The following COPB2 variants were observed in gnomAD, a reference collection of about 807,000 sequenced individuals.
The protein encoded by COPB2 is coat protein complex I subunit beta 2.
A neutral mutation model predicts 120.8 loss-of-function variants in COPB2; 16 were observed. The observed-to-expected ratio is 0.13, with a 90% CI of 0.09 to 0.20. The LOEUF (loss-of-function observed/expected upper bound fraction) is 0.20. Among genes scored for constraint, COPB2 ranks in the 10% least tolerant of loss-of-function variants. COPB2 has a pLI of 1.00. For missense variants in COPB2, 794 were observed against 1,076.5 expected (o/e 0.74, Z 3.67); for synonymous variants, 332 against 366.3 (o/e 0.91, Z 1.07).
rs968856362 is a variant in COPB2, at chr3:139,357,507, T to G, written c.*356A>C. 1 of 201,312 alleles carries G rather than the reference T, an allele frequency of 5.0e-6. No individual in the cohort carries two copies. 12.5% of individuals were successfully genotyped at this position (201,312 alleles called of 1,614,324 possible). Reference sequence around the variant, plus strand: ...TACAAAGAAAAGACAGTGGGGCTGATCCCTAGGCAAGGTGTAGTTTCGGCT... The same window carrying G: ...TACAAAGAAAAGACAGTGGGGCTGAGCCCTAGGCAAGGTGTAGTTTCGGCT... On this transcript the variant is annotated 3_prime_UTR_variant, in exon 22 of 22. Transcript: ENST00000333188.
At chr3:139,374,298 C>T (rs977867211) in intron 7 of COPB2, 191 bp downstream of exon 7, 14 of 494,648 alleles carry the variant, frequency 2.8e-5, no homozygotes, top group African/African-American at 1.4e-4. Context: ...AGAATGATGA[C>T]GATGATGATG....
chr3:139,358,920 C>T, intron 19 of COPB2, 78 bp downstream of exon 19: 19 of 1,569,370 alleles, frequency 1.2e-5, no homozygotes, highest in Non-Finnish European at 1.6e-5. Flanking sequence ...AAGAAGACAG[C>T]AGTTCAAAAT....
intron 15 of COPB2, among the ~76,000 whole-genome samples, chr3:139,362,961 T>G (rs779630873): frequency 1.3e-5 from 2 of 152,204 alleles, no homozygotes; most frequent in Non-Finnish European, 2.9e-5. Flanking sequence ...GATCATCTAG[T>G]CCAACCCCTC....
At chr3:139,375,855 A>G (rs559758614) in intron 5 of COPB2, among the ~76,000 whole-genome samples, 1 of 152,202 alleles carries the variant, frequency 6.6e-6, no homozygotes, top group South Asian at 2.1e-4. Flanking sequence ...TCTAGAGATT[A>G]TAAGTCAGTC....
chr3:139,362,543 A>G lies in COPB2; in HGVS notation c.1885-26T>C, dbSNP rs182787422. 2 of 1,432,488 alleles carry G rather than the reference A, an allele frequency of 1.4e-6. 1 individual carries two copies. The highest frequency in any genetic ancestry group is 4.9e-5 in the East Asian group (2 of 40,610). 88.7% of individuals were successfully genotyped at this position (1,432,488 alleles called of 1,614,324 possible). On this transcript the variant is annotated intron_variant, in intron 15 of 21. Transcript: ENST00000333188. The stretch of plus-strand genomic sequence containing the variant: ...CTAAACAGATTTTTAAAAATTATAT[A>G]TATTTATGCATACAAAAATGTATGT...
At position 139,367,069 on chromosome 3, in the gene COPB2, T is replaced by C; in HGVS notation, c.1622A>G (p.Asn541Ser). Residue 541 changes from asparagine (N) to serine (S), a missense_variant, in exon 14 of 22, where the codon AAC becomes AGC. Asn to Ser is a conservative substitution (Grantham distance 46). This residue lies in a region of COPB2 where 610 missense variants were observed against 866.7 expected (regional missense o/e 0.70). Transcript: ENST00000333188. ...GDCFIYTSSV[N>S]RLNYYVGGEI... Reference sequence around the variant, plus strand: ...TCCTCCAACATAATAATTTAATCTGTTCACAGAACTTGTGTAAATGAAGCA... The same window carrying C: ...TCCTCCAACATAATAATTTAATCTGCTCACAGAACTTGTGTAAATGAAGCA... 1 of 1,614,002 alleles carries C rather than the reference T, an allele frequency of 6.2e-7. No homozygotes were observed. The highest frequency in any genetic ancestry group is 8.5e-7 in the Non-Finnish European group (1 of 1,179,930).
At chr3:139,381,315 C>A (rs1941807416) in intron 2 of COPB2, 1 of 152,202 alleles carries the variant, frequency 6.6e-6, no homozygotes. Flanking sequence ...TCAAGTACAT[C>A]TAAAAACCTT....
chr3:139,376,434 G>A (rs982111434), intron 5 of COPB2, among the ~76,000 whole-genome samples: 2 of 152,104 alleles, frequency 1.3e-5, no homozygotes, highest in Non-Finnish European at 2.9e-5. Flanking sequence ...GTATAAACGT[G>A]TAACAAATGT....
At chr3:139,368,637 T>C (rs1300347134) in intron 12 of COPB2, among the ~76,000 whole-genome samples, 4 of 152,180 alleles carry the variant, frequency 2.6e-5, no homozygotes, top group African/African-American at 9.7e-5. Flanking sequence ...TTTCTGGACA[T>C]TTTTCTAATC....
chr3:139,358,281 C>T lies in COPB2; in HGVS notation c.2554-10G>A, dbSNP rs1941331588. On this transcript the variant is annotated splice_polypyrimidine_tract_variant and intron_variant, in intron 20 of 21. Coordinates refer to ENST00000333188, the MANE Select transcript of COPB2 (RefSeq NM_004766.3). The stretch of plus-strand genomic sequence containing the variant: ...GTTTCCCATCAAGTTCCTGAAACCA[C>T]AAGTGAAGATATATATGAAGACAAG... The T allele has an allele frequency of 6.2e-7, 1 of 1,610,574 alleles. No homozygotes were observed. Among genetic ancestry groups the T allele is most frequent in the Non-Finnish European group, 8.5e-7 (1 of 1,177,030 alleles).
chr3:139,371,593 T>G lies in COPB2; in HGVS notation c.1205+130A>C, dbSNP rs1941623959. ...CTCGCCTCTGACTCTCATCTTCCAA[T>G]GGACAGCTCTGGTGAGAACTGTTTT... On this transcript the variant is annotated intron_variant, in intron 10 of 21. Transcript: ENST00000333188. 3 of 678,200 alleles carry G rather than the reference T, an allele frequency of 4.4e-6. No individual in the cohort carries two copies. The East Asian group carries it at 8.3e-5, about 19-fold the overall frequency. 42.0% of individuals were successfully genotyped at this position (678,200 alleles called of 1,614,324 possible).
At position 139,369,401 on chromosome 3, in the gene COPB2, A is replaced by AT. The variant is rs770268993; in HGVS notation, c.1295-35dup. On this transcript the variant is annotated intron_variant, in intron 11 of 21. Coordinates refer to ENST00000333188, the MANE Select transcript of COPB2 (RefSeq NM_004766.3). ...AACATAAAAAGAGTTTTGCTTAGGCATTTTTGAGCCATTACAAAGAATTTA... is the reference window on the plus strand; with the variant it reads ...AACATAAAAAGAGTTTTGCTTAGGCATTTTTTGAGCCATTACAAAGAATTTA... 2.5e-6 allele frequency: 4 copies of AT among 1,606,812 alleles called. No individual in the cohort carries two copies. The South Asian group carries it at 3.3e-5, about 13-fold the overall frequency.
intron 1 of COPB2, among the ~76,000 whole-genome samples, chr3:139,384,482 A>G (rs981367596): frequency 4.6e-5 from 7 of 152,330 alleles, no homozygotes; most frequent in Middle Eastern, 3.4e-3. Flanking sequence ...GGACCAGCCA[A>G]CCTCTTTCAG....
intron 15 of COPB2, 99 bp from the exon 16 acceptor site, chr3:139,362,616 T>G (rs1204119714): frequency 9.6e-6 from 5 of 518,440 alleles, no homozygotes. Context: ...TGTACACACA[T>G]TCACAGAGCA....
In COPB2 at chr3:139,357,763, T is replaced by C; in HGVS notation, c.*100A>G. Reference sequence around the variant, plus strand: ...TCCACAGCATTTACATATAAAAATCTAAGAAGTTTCTCATAGTCCAAAGCA... The same window carrying C: ...TCCACAGCATTTACATATAAAAATCCAAGAAGTTTCTCATAGTCCAAAGCA... On this transcript the variant is annotated 3_prime_UTR_variant, in exon 22 of 22. Coordinates refer to ENST00000333188, the MANE Select transcript of COPB2 (RefSeq NM_004766.3). 1.8e-6 allele frequency: 1 copy of C among 557,436 alleles called. No homozygotes were observed. The highest frequency in any genetic ancestry group is 3.0e-6 in the Non-Finnish European group (1 of 328,218). The allele number at this position is 557,436 out of a possible 1,614,324, so 34.5% of individuals were successfully genotyped here. A position where few individuals can be genotyped will look rare whatever the true frequency, so the allele number is the denominator to read the frequency against.
At chr3:139,376,311 C>T (rs865944621) in intron 5 of COPB2, among the ~76,000 whole-genome samples, 2 of 152,028 alleles carry the variant, frequency 1.3e-5, no homozygotes, top group African/African-American at 4.8e-5. Context: ...AAATTACTGC[C>T]TAATTACCAA....
At chr3:139,374,647 C>A in intron 6 of COPB2, 59 bp from the exon 7 acceptor site, 1 of 1,385,912 alleles carries the variant, frequency 7.2e-7, no homozygotes. Flanking sequence ...CCAGCCCGCC[C>A]TTAATTTTCT....
intron 5 of COPB2, among the ~76,000 whole-genome samples, chr3:139,377,719 A>C (rs1941739625): frequency 6.6e-6 from 1 of 152,246 alleles, no homozygotes; most frequent in Admixed American, 6.5e-5. Context: ...GTCAACAATG[A>C]ATACTAAAAG....
intron 10 of COPB2, 32 bp downstream of exon 10, chr3:139,371,691 G>A: frequency 6.5e-7 from 1 of 1,549,066 alleles, no homozygotes; most frequent in South Asian, 1.1e-5. Flanking sequence ...CTGCAATCAG[G>A]GCATGCTGGC....
Sources: gnomAD v4.1 joint callset for allele counts (sites outside exome capture counted in the v4.1 genomes callset) on GRCh38, gnomAD v4.1.1 for gene constraint, gnomAD v4.1.1 regional missense constraint, MANE v1.5 for transcripts, NCBI Gene and HGNC (gene_info 2026-07-23, HGNC 2026-07-21) for gene names.